DPP6: variants seen among roughly 807,000 people sequenced by gnomAD.
DPP6 encodes the protein dipeptidyl peptidase like 6.
A neutral mutation model predicts 122.6 loss-of-function variants in DPP6; 69 were observed. That is an observed-to-expected ratio of 0.56 (90% CI 0.46 to 0.69). The LOEUF (loss-of-function observed/expected upper bound fraction) is 0.69. Ranked by LOEUF, DPP6 falls within the 30% of genes least tolerant of loss-of-function variation. DPP6 has a pLI of 0.00. For synonymous variants in DPP6, 418 were observed against 433.1 expected, an observed-to-expected ratio of 0.97 and a Z score of 0.43; for missense variants, 928 against 1,116.9, an observed-to-expected ratio of 0.83 and a Z score of 2.41.
At chr7:154,202,947 A>T (rs560837655) in intron 1 of DPP6, among the ~76,000 whole-genome samples, 1 of 152,132 alleles carries the variant, frequency 6.6e-6, no homozygotes, top group East Asian at 1.9e-4. Context: ...TTTTTACCTG[A>T]TGGGGACACA....
chr7:154,325,751 T>C (rs1299977447), intron 1 of DPP6, among the ~76,000 whole-genome samples: 1 of 152,254 alleles, frequency 6.6e-6, no homozygotes, highest in African/African-American at 2.4e-5. Flanking sequence ...TCAATACATA[T>C]GATTAATAAT....
chr7:153,773,952 C>T, the DPP6 span, among the ~76,000 whole-genome samples: 1 of 150,274 alleles, frequency 6.7e-6, no homozygotes, highest in Non-Finnish European at 1.5e-5. Flanking sequence ...ATTGATAAAC[C>T]TGTAACTGAA....
chr7:153,778,464 C>G, the DPP6 span, among the ~76,000 whole-genome samples: 1 of 151,448 alleles, frequency 6.6e-6, no homozygotes, highest in Non-Finnish European at 1.5e-5. Context: ...AATGAATGTA[C>G]CTCTTACTCA....
chr7:154,262,544 C>T (rs1321968010), intron 1 of DPP6, among the ~76,000 whole-genome samples: 1 of 151,768 alleles, frequency 6.6e-6, no homozygotes, highest in Non-Finnish European at 1.5e-5. Flanking sequence ...GGCTTTCGGC[C>T]TCCAGAACTG....
intron 1 of DPP6, among the ~76,000 whole-genome samples, chr7:154,104,280 A>G (rs2150574247): frequency 6.6e-6 from 1 of 152,316 alleles, no homozygotes; most frequent in African/African-American, 2.4e-5. Flanking sequence ...TGCATTTCTC[A>G]TATTGTTTTT....
At chr7:153,933,381 C>T (rs1801264357) in intron 1 of DPP6, among the ~76,000 whole-genome samples, 1 of 152,152 alleles carries the variant, frequency 6.6e-6, no homozygotes, top group Non-Finnish European at 1.5e-5. Context: ...GAAGGACGCT[C>T]CCCTTTTGTT....
At chr7:153,900,050 G>A (rs1464994014) in intron 1 of DPP6, among the ~76,000 whole-genome samples, 1 of 152,192 alleles carries the variant, frequency 6.6e-6, no homozygotes, top group African/African-American at 2.4e-5. Context: ...TCAGCTGGGA[G>A]CTTTAGAAGA....
intron 5 of DPP6, among the ~76,000 whole-genome samples, chr7:154,596,225 T>A (rs1425854607): frequency 1.3e-5 from 2 of 152,232 alleles, no homozygotes; most frequent in African/African-American, 4.8e-5. Context: ...AAAAGGGCAT[T>A]TGACCCAAAT....
intron 8 of DPP6, among the ~76,000 whole-genome samples, chr7:154,748,297 T>C (rs527463857): frequency 6.6e-6 from 1 of 152,306 alleles, no homozygotes; most frequent in East Asian, 1.9e-4. Flanking sequence ...GTAACAGCTA[T>C]AGAATGTCTT....
intron 4 of DPP6, among the ~76,000 whole-genome samples, chr7:154,550,991 G>C (rs905204193): frequency 1.9e-4 from 29 of 151,998 alleles, no homozygotes; most frequent in African/African-American, 6.5e-4. Context: ...CTGGATCCAA[G>C]TTATATTTCT....
At chr7:154,740,371 C>G (rs1040126497) in intron 8 of DPP6, among the ~76,000 whole-genome samples, 22 of 151,006 alleles carry the variant, frequency 1.5e-4, no homozygotes, top group Non-Finnish European at 5.9e-5. Context: ...GAGAGTTTTA[C>G]TAAAATGCAA....
intron 1 of DPP6, among the ~76,000 whole-genome samples, chr7:154,158,366 T>C (rs1282117682): frequency 2.0e-5 from 3 of 151,928 alleles, no homozygotes; most frequent in African/African-American, 7.3e-5. Flanking sequence ...TTCTGCATTC[T>C]GGGGGGTTTC....
intron 1 of DPP6, among the ~76,000 whole-genome samples, chr7:153,954,340 AAAATTT>A (rs1459764689): frequency 6.6e-6 from 1 of 152,250 alleles, no homozygotes; most frequent in Non-Finnish European, 1.5e-5. Flanking sequence ...CTGCAGAACT[AAAATTT>A]AAATTTCTAC....
intron 1 of DPP6, among the ~76,000 whole-genome samples, chr7:154,137,889 C>T (rs1051235520): frequency 1.4e-4 from 22 of 152,314 alleles, no homozygotes; most frequent in African/African-American, 5.1e-4. Context: ...AGTGTGGCTT[C>T]TTCCTCCAGA....
At chr7:154,555,846 A>G (rs1168727567) in intron 4 of DPP6, among the ~76,000 whole-genome samples, 1 of 151,972 alleles carries the variant, frequency 6.6e-6, no homozygotes, top group Non-Finnish European at 1.5e-5. Flanking sequence ...AACAAAGCAA[A>G]CTATAAGATC....
intron 1 of DPP6, among the ~76,000 whole-genome samples, chr7:154,152,456 C>T (rs1389736453): frequency 1.3e-5 from 2 of 152,212 alleles, no homozygotes; most frequent in African/African-American, 2.4e-5. Context: ...CAATCCATAA[C>T]CTTGGTATTC....
In DPP6 at chr7:154,820,213, G is replaced by A. The variant is rs572868108; in HGVS notation, c.1666+13101G>A. Among the ~76,000 whole-genome samples, 8 of 152,346 alleles carry A rather than the reference G, an allele frequency of 5.3e-5. No individual in the cohort carries two copies. In the East Asian group the frequency reaches 1.2e-3, roughly 22 times the overall value. On this transcript the variant is annotated intron_variant, in intron 16 of 25. Coordinates refer to ENST00000377770, the MANE Select transcript of DPP6 (RefSeq NM_130797.4). The stretch of plus-strand genomic sequence containing the variant: ...CACCACTGCAGCACACGGGACACGC[G>A]AAAGGGAGGCCTCAGACCGAGCGCC...
the DPP6 span, among the ~76,000 whole-genome samples, chr7:153,752,731 T>C: frequency 2.1e-4 from 27 of 125,712 alleles, 1 homozygote; most frequent in African/African-American, 8.4e-4. Context: ...CCTGAGGTCC[T>C]ATCTACTCAG....
At chr7:153,968,182 T>G (rs1795850800) in intron 1 of DPP6, among the ~76,000 whole-genome samples, 1 of 150,116 alleles carries the variant, frequency 6.7e-6, no homozygotes, top group African/African-American at 2.5e-5. Flanking sequence ...GTGTGTGAGC[T>G]TTGCTCTGTA....
Sources: gnomAD v4.1 joint callset for allele counts (sites outside exome capture counted in the v4.1 genomes callset) on GRCh38, gnomAD v4.1.1 for gene constraint, MANE v1.5 for transcripts, NCBI Gene and HGNC (gene_info 2026-07-23, HGNC 2026-07-21) for gene names.